LY96: variants seen among roughly 807,000 people sequenced by gnomAD.
LY96 encodes lymphocyte antigen 96, also known as myeloid differentiation protein-2.
LY96 carries 18 observed loss-of-function variants against 18.9 expected under a neutral mutation model. The ratio of observed to expected loss-of-function variants is 0.95; its 90% CI spans 0.66 to 1.41. LY96 has a LOEUF of 1.41. Among genes scored for constraint, LY96 ranks in the 40% most tolerant of loss-of-function variants. The pLI, the probability that LY96 is intolerant of heterozygous loss-of-function variation, is 0.00. For missense variants in LY96, 175 were observed against 182.4 expected, an observed-to-expected ratio of 0.96 and a Z score of 0.23; for synonymous variants, 66 against 62.6, an observed-to-expected ratio of 1.06 and a Z score of -0.26.
At chr8:74,008,359 C>T (rs1420939326) in intron 2 of LY96, among the ~76,000 whole-genome samples, 1 of 152,146 alleles carries the variant, frequency 6.6e-6, no homozygotes, top group Non-Finnish European at 1.5e-5. Flanking sequence ...TCCAGGAATT[C>T]CTTATGAAAA....
At chr8:74,052,699 A>G in the LY96 span, 3 of 152,324 alleles carry the variant, frequency 2.0e-5, no homozygotes, top group South Asian at 2.1e-4. Context: ...GAAGTAAGGT[A>G]TATGTGAGTG....
chr8:74,008,461 C>T (rs965872), intron 2 of LY96, among the ~76,000 whole-genome samples: 1 of 152,150 alleles, frequency 6.6e-6, no homozygotes, highest in African/African-American at 2.4e-5. Flanking sequence ...TTGAAACAGA[C>T]GCCATGATAT....
the LY96 span, among the ~76,000 whole-genome samples, chr8:74,090,168 A>G: frequency 6.6e-6 from 1 of 152,142 alleles, no homozygotes. Context: ...ACCAGTAAGG[A>G]GACCCCTGCA....
intron 1 of LY96, among the ~76,000 whole-genome samples, chr8:73,993,845 C>A (rs891202087): frequency 3.3e-4 from 51 of 152,306 alleles, no homozygotes; most frequent in African/African-American, 1.2e-3. Flanking sequence ...TCCCAAAGTG[C>A]TGGGATTACA....
the LY96 span, among the ~76,000 whole-genome samples, chr8:74,039,313 T>C: frequency 6.6e-6 from 1 of 152,208 alleles, no homozygotes; most frequent in Non-Finnish European, 1.5e-5. Flanking sequence ...TTCTGTGGGT[T>C]GTCTCTTCAT....
chr8:74,031,835 A>AGAGGGTAGCCAGGCATG (rs548233109), downstream of LY96, among the ~76,000 whole-genome samples: 1,110 of 152,162 alleles, frequency 7.3e-3, 9 homozygotes, highest in African/African-American at 0.025. Context: ...CATTAAAACC[A>AGAGGGTAGCCAGGCATG]GAGGGTAGCC....
At chr8:74,071,012 G>T in the LY96 span, among the ~76,000 whole-genome samples, 2 of 152,056 alleles carry the variant, frequency 1.3e-5, no homozygotes, top group East Asian at 3.9e-4. Flanking sequence ...AATGAAATTT[G>T]CTAGGGCTCT....
chr8:73,999,938 T>G (rs1323143988), intron 1 of LY96, among the ~76,000 whole-genome samples: 1 of 152,206 alleles, frequency 6.6e-6, no homozygotes, highest in South Asian at 2.1e-4. Context: ...TCTTGACTAA[T>G]TGCTTTGGCT....
In LY96 at chr8:74,027,871, G is replaced by T. The variant is rs554645307; in HGVS notation, c.384+1030G>T. Among the ~76,000 whole-genome samples, 3 of 152,216 alleles carry T rather than the reference G, an allele frequency of 2.0e-5. No homozygotes were observed. The South Asian group carries it at 6.2e-4, about 32-fold the overall frequency. ...CTTTACTTAATCTAAATGGGTCTGG[G>T]TGCTGGGGTGATTACCTTTATCTTG... On this transcript the variant is annotated intron_variant, in intron 4 of 4. Transcript: ENST00000284818.
the LY96 span, among the ~76,000 whole-genome samples, chr8:74,063,645 T>C: frequency 1.3e-5 from 2 of 152,124 alleles, no homozygotes; most frequent in Non-Finnish European, 2.9e-5. Context: ...TACATGATTA[T>C]AATATATCTA....
intron 4 of LY96, among the ~76,000 whole-genome samples, chr8:74,027,312 T>C (rs1236014300): frequency 1.6e-5 from 2 of 121,612 alleles, no homozygotes; most frequent in African/African-American, 6.9e-5. Context: ...TAGAATTAGC[T>C]TTTTTTTTTT....
chr8:74,007,676 C>T (rs1222375695), intron 2 of LY96, among the ~76,000 whole-genome samples: 1 of 152,180 alleles, frequency 6.6e-6, no homozygotes, highest in Non-Finnish European at 1.5e-5. Context: ...CATAAGCTTC[C>T]TTCAAGGTTA....
chr8:74,015,672 C>T (rs1403725572), intron 3 of LY96, among the ~76,000 whole-genome samples: 2 of 152,176 alleles, frequency 1.3e-5, no homozygotes, highest in African/African-American at 2.4e-5. Context: ...GGACACAATT[C>T]AATGTACAAT....
At chr8:74,040,795 C>G in the LY96 span, among the ~76,000 whole-genome samples, 1 of 150,144 alleles carries the variant, frequency 6.7e-6, no homozygotes, top group African/African-American at 2.5e-5. Flanking sequence ...CTCTACCTCC[C>G]GGGTTCAAGC....
At chr8:74,053,089 T>G in the LY96 span, among the ~76,000 whole-genome samples, 1 of 152,150 alleles carries the variant, frequency 6.6e-6, no homozygotes, top group Non-Finnish European at 1.5e-5. Context: ...AAAATGGAAC[T>G]CCATCTGTAG....
the LY96 span, among the ~76,000 whole-genome samples, chr8:74,056,856 C>G: frequency 2.0e-5 from 3 of 152,128 alleles, no homozygotes; most frequent in Non-Finnish European, 2.9e-5. Flanking sequence ...TTGTAAGACC[C>G]TGAGCGTGGA....
chr8:74,016,586 C>A (rs1816646614), intron 3 of LY96, among the ~76,000 whole-genome samples: 1 of 152,200 alleles, frequency 6.6e-6, no homozygotes, highest in Admixed American at 6.5e-5. Flanking sequence ...CCCTGTGTAG[C>A]CTAACTCGGA....
the LY96 span, among the ~76,000 whole-genome samples, chr8:74,050,961 T>C: frequency 6.6e-6 from 1 of 152,144 alleles, no homozygotes; most frequent in South Asian, 2.1e-4. Flanking sequence ...AGGTGGAGGT[T>C]GCAGTGAGCT....
chr8:74,076,650 G>A, the LY96 span, among the ~76,000 whole-genome samples: 1 of 152,038 alleles, frequency 6.6e-6, no homozygotes, highest in African/African-American at 2.4e-5. Flanking sequence ...GTAATTGTGG[G>A]AATATAGATA....
Sources: allele counts gnomAD v4.1 joint callset (sites outside exome capture counted in the v4.1 genomes callset), GRCh38; gene constraint gnomAD v4.1.1; transcripts MANE v1.5; gene names NCBI Gene and HGNC (gene_info 2026-07-23, HGNC 2026-07-21).